SLC25A26: variants seen among roughly 807,000 people sequenced by gnomAD.
SLC25A26 encodes the protein solute carrier family 25 member 26, also known as mitochondrial S-adenosylmethionine carrier protein.
SLC25A26 carries 36 observed loss-of-function variants against 37.8 expected under a neutral mutation model. The observed-to-expected ratio is 0.95, with a 90% confidence interval of 0.73 to 1.26. The LOEUF (loss-of-function observed/expected upper bound fraction) is 1.26, where lower values mean the gene tolerates loss of function less well. Ranked by LOEUF, SLC25A26 falls within the 50% of genes most tolerant of loss-of-function variation. The pLI, the probability that SLC25A26 is intolerant of heterozygous loss-of-function variation, is 0.00. For synonymous variants in SLC25A26, 129 were observed against 122.5 expected, an observed-to-expected ratio of 1.05 and a Z score of -0.35; for missense variants, 390 against 331.1, an observed-to-expected ratio of 1.18 and a Z score of -1.38.
At position 66,175,439 on chromosome 3, in the gene SLC25A26, C is replaced by T. The variant is rs374945058; in HGVS notation, c.-354+41455C>T. On this transcript the variant is annotated intron_variant, in intron 1 of 10. Transcript: ENST00000676754. ...ACAGTTTCGCCATGTTGCCCGGGCTCGTCTCAAACTCCTGACCTCAGGTGA... is the reference window on the plus strand; with the variant it reads ...ACAGTTTCGCCATGTTGCCCGGGCTTGTCTCAAACTCCTGACCTCAGGTGA... Among the ~76,000 whole-genome samples the T allele has an allele frequency of 4.6e-5, 7 of 151,846 alleles. No individual in the cohort carries two copies. The East Asian group carries it at 5.8e-4, about 13-fold the overall frequency.
At chr3:66,176,607 C>G (rs1437914069) in intron 1 of SLC25A26, among the ~76,000 whole-genome samples, 4 of 152,076 alleles carry the variant, frequency 2.6e-5, no homozygotes, top group Non-Finnish European at 4.4e-5. Flanking sequence ...AAACGGTAGC[C>G]AGAAAACAGG....
In SLC25A26 at chr3:66,355,294, T is replaced by C. The variant is rs1188268630; in HGVS notation, c.499-7566T>C. ...TTTACCGACTTATCTAGAATGCAAA[T>C]ATCTAAATATCTCAACCAGCCAACA... On this transcript the variant is annotated intron_variant, in intron 6 of 9. Transcript: ENST00000354883. Among the ~76,000 whole-genome samples the C allele has an allele frequency of 3.3e-5, 5 of 151,932 alleles. 1 individual carries two copies. Among genetic ancestry groups the C allele is most frequent in the African/African-American group, 9.7e-5 (4 of 41,330 alleles).
At chr3:66,247,639 A>G (rs902503338) in intron 3 of SLC25A26, among the ~76,000 whole-genome samples, 35 of 152,176 alleles carry the variant, frequency 2.3e-4, no homozygotes, top group African/African-American at 8.4e-4. Flanking sequence ...CTTTAAATTC[A>G]GTTATGGTTT....
In SLC25A26 at chr3:66,263,669, G is replaced by GT. The variant is rs1227144033; in HGVS notation, c.453+297dup. On this transcript the variant is annotated intron_variant, in intron 5 of 9. Coordinates refer to ENST00000354883, the MANE Select transcript of SLC25A26 (RefSeq NM_001379210.1). ...CTTATAGTTGAAGTATTTTTTGTTT[G>GT]TTTTTTTGAAATGCAGTCTCGCTCT... 9.2e-5 allele frequency among the ~76,000 whole-genome samples: 14 copies of GT among 151,858 alleles called. No individual in the cohort carries two copies. The East Asian group carries it at 2.7e-3, about 30-fold the overall frequency.
intron 9 of SLC25A26, among the ~76,000 whole-genome samples, chr3:66,372,830 A>C (rs939415128): frequency 6.6e-6 from 1 of 152,162 alleles, no homozygotes; most frequent in African/African-American, 2.4e-5. Context: ...CTCCAAGCAC[A>C]CAGCGCTGCT....
chr3:66,297,874 CT>C (rs2074955733), intron 5 of SLC25A26, among the ~76,000 whole-genome samples: 1 of 152,134 alleles, frequency 6.6e-6, no homozygotes, highest in Non-Finnish European at 1.5e-5. Flanking sequence ...ATTAGATTTC[CT>C]TTTTGTCAAT....
chr3:66,358,263 ATTG>A (rs1370531718), intron 6 of SLC25A26, among the ~76,000 whole-genome samples: 5 of 152,166 alleles, frequency 3.3e-5, no homozygotes, highest in Admixed American at 6.5e-5. Flanking sequence ...CTTTCTGATT[ATTG>A]TTGTTTTATG....
intron 5 of SLC25A26, among the ~76,000 whole-genome samples, chr3:66,277,346 CAGAAA>C (rs1353090878): frequency 1.3e-5 from 2 of 151,858 alleles, no homozygotes; most frequent in African/African-American, 4.8e-5. Context: ...AGTGTCATAA[CAGAAA>C]GACAAATATT....
chr3:66,163,558 G>A (rs1158306169), intron 1 of SLC25A26, among the ~76,000 whole-genome samples: 1 of 152,178 alleles, frequency 6.6e-6, no homozygotes, highest in Non-Finnish European at 1.5e-5. Context: ...GACAGATCAA[G>A]AAATCATTCT....
intron 5 of SLC25A26, among the ~76,000 whole-genome samples, chr3:66,337,008 T>G (rs2107701448): frequency 6.6e-6 from 1 of 152,264 alleles, no homozygotes; most frequent in East Asian, 1.9e-4. Flanking sequence ...TTGGAAAATC[T>G]TGATACCATA....
rs898147754 is a variant in SLC25A26, at chr3:66,231,117, T to C, written c.34-5427T>C. On this transcript the variant is annotated intron_variant, in intron 1 of 9. Transcript: ENST00000354883. ...TTGAACCTGGGAGGCAGAGGTTGCA[T>C]TGAGCTGAGATTGTGCCACTGCACT... 7.2e-5 allele frequency among the ~76,000 whole-genome samples: 11 copies of C among 152,134 alleles called. No homozygotes were observed. The East Asian group carries it at 1.3e-3, about 19-fold the overall frequency.
At chr3:66,337,557 G>A (rs1429983441) in intron 5 of SLC25A26, among the ~76,000 whole-genome samples, 2 of 151,798 alleles carry the variant, frequency 1.3e-5, no homozygotes, top group African/African-American at 4.8e-5. Context: ...ATCAAATTTT[G>A]GAACACATGC....
At chr3:66,346,798 G>C (rs1370347935) in intron 6 of SLC25A26, among the ~76,000 whole-genome samples, 3 of 151,022 alleles carry the variant, frequency 2.0e-5, no homozygotes, top group Non-Finnish European at 4.4e-5. Flanking sequence ...GTAAATGGAA[G>C]AGGAAAAATG....
intron 6 of SLC25A26, among the ~76,000 whole-genome samples, chr3:66,352,561 AT>A (rs1559730132): frequency 6.7e-6 from 1 of 148,312 alleles, no homozygotes; most frequent in Non-Finnish European, 1.5e-5. Flanking sequence ...TTTAATTTTG[AT>A]TTTTTTCATA....
chr3:66,374,378 T>C (rs1026434933), intron 9 of SLC25A26, among the ~76,000 whole-genome samples: 6 of 152,216 alleles, frequency 3.9e-5, no homozygotes, highest in African/African-American at 1.4e-4. Flanking sequence ...TGTAATTGTT[T>C]TGGGGCATCA....
At chr3:66,238,376 A>T (rs1018267647) in intron 2 of SLC25A26, among the ~76,000 whole-genome samples, 6 of 150,488 alleles carry the variant, frequency 4.0e-5, no homozygotes, top group African/African-American at 7.5e-5. Flanking sequence ...TATGTGTTTT[A>T]TTATTATTAT....
chr3:66,332,012 TC>T (rs964466939), intron 5 of SLC25A26, among the ~76,000 whole-genome samples: 7 of 151,980 alleles, frequency 4.6e-5, no homozygotes, highest in Admixed American at 4.6e-4. Context: ...GCTCGCTGCA[TC>T]CCCCGCCTCC....
chr3:66,302,732 A>G (rs971444577), intron 5 of SLC25A26, among the ~76,000 whole-genome samples: 5 of 152,202 alleles, frequency 3.3e-5, no homozygotes, highest in Non-Finnish European at 7.4e-5. Flanking sequence ...GTGCTTGTGT[A>G]TTAGAGCTAG....
chr3:66,191,471 C>G (rs1576628427), intron 1 of SLC25A26, among the ~76,000 whole-genome samples: 1 of 152,094 alleles, frequency 6.6e-6, no homozygotes, highest in African/African-American at 2.4e-5. Context: ...AAAAATATCT[C>G]CTTATTGTTT....
Sources: gnomAD v4.1 joint callset for allele counts (sites outside exome capture counted in the v4.1 genomes callset) on GRCh38, gnomAD v4.1.1 for gene constraint, MANE v1.5 for transcripts, NCBI Gene and HGNC (gene_info 2026-07-23, HGNC 2026-07-21) for gene names.